DYSF: variants seen among roughly 807,000 people sequenced by gnomAD.
DYSF encodes dystrophy-associated fer-1-like 1.
Under a neutral mutation model 274.9 loss-of-function variants are expected in DYSF, and 212 were observed. The ratio of observed to expected loss-of-function variants is 0.77; its 90% CI spans 0.69 to 0.86. DYSF has a LOEUF of 0.86. Ranked by LOEUF, DYSF falls within the 40% of genes least tolerant of loss-of-function variation. DYSF has a pLI of 0.00. For synonymous variants in DYSF, 1,091 were observed against 1,078.7 expected (o/e 1.01, Z -0.22); for missense variants, 2,666 against 2,783.2 (o/e 0.96, Z 0.95).
chr2:71,530,607 G>A (rs550231685), intron 14 of DYSF, among the ~76,000 whole-genome samples: 29 of 152,320 alleles, frequency 1.9e-4, no homozygotes, highest in African/African-American at 6.7e-4. Flanking sequence ...TCCTCTAGAA[G>A]GAGGTGGAGG....
At chr2:71,669,356 G>A (rs1051861642) in intron 50 of DYSF, 149 bp downstream of exon 50, 15 of 893,182 alleles carry the variant, frequency 1.7e-5, no homozygotes, top group Admixed American at 4.1e-5. Context: ...CCTGCCTTTG[G>A]GGAAATCGCT....
At position 71,670,125 on chromosome 2, in the gene DYSF, C is replaced by T. The variant is rs547539876; in HGVS notation, c.5784+379C>T. Among the ~76,000 whole-genome samples, 21 of 152,328 alleles carry T rather than the reference C, an allele frequency of 1.4e-4. No individual in the cohort carries two copies. The South Asian group carries it at 4.4e-3, about 32-fold the overall frequency. On this transcript the variant is annotated intron_variant, in intron 51 of 55. Transcript: ENST00000410020. ...TTACCCCCAAAGCCACCTCCACCAT[C>T]TCTGCATCCACCCCTTTTCCACTCT...
In DYSF at chr2:71,611,332, C is replaced by T. The variant is rs760074198; in HGVS notation, c.4045C>T (p.Arg1349Cys). 1.2e-5 allele frequency: 20 copies of T among 1,613,940 alleles called. No homozygotes were observed. Among genetic ancestry groups the T allele is most frequent in the East Asian group, 4.5e-5 (2 of 44,870 alleles). Residue 1349 changes from arginine to cysteine, a missense_variant, in exon 37 of 56, where the codon CGT becomes TGT. Around this residue, in one of 3 missense-constraint regions of DYSF, gnomAD observed 1,460 missense variants for 1,502.1 expected, o/e 0.97. Transcript: ENST00000410020. ...TCAGAACATCAAGCCAGCGCTCCAG[C>T]GTACCGCCATCGAGGTGAGCCGTCC... ...VPQNIKPALQ[R>C]TAIEILAWGL...
chr2:71,466,966 G>A, intron 1 of DYSF, 33 bp downstream of exon 1: 1 of 1,544,738 alleles, frequency 6.5e-7, no homozygotes, highest in Non-Finnish European at 8.8e-7. Context: ...GCCCATGCTC[G>A]GGTGCTACCC....
At chr2:71,479,244 A>G (rs1042113250) in intron 1 of DYSF, among the ~76,000 whole-genome samples, 8 of 149,584 alleles carry the variant, frequency 5.3e-5, no homozygotes, top group African/African-American at 2.0e-4. Context: ...CCTGATGCTT[A>G]CTGGAAGTGC....
chr2:71,627,081 A>G (rs1462188088), intron 41 of DYSF, among the ~76,000 whole-genome samples: 2 of 151,508 alleles, frequency 1.3e-5, no homozygotes, highest in East Asian at 3.9e-4. Flanking sequence ...AGTCTATTCA[A>G]AGAATTTTTA....
rs750000110 is a variant in DYSF at position 71,668,819 on chromosome 2, C to T, written c.5523C>T (p.Asn1841=). 2 of 1,613,792 alleles carry T rather than the reference C, an allele frequency of 1.2e-6. No individual in the cohort carries two copies. Among genetic ancestry groups the T allele is most frequent in the Admixed American group, 1.7e-5 (1 of 60,014 alleles). ...KALGRPGPPF[N]ITPRRARRFF... is the part of the protein sequence containing the mutation. ...TGGGGCGGCCTGGACCTCCCTTCAA[C>T]ATCACCCCACGGAGAGCCAGAAGGT... The change falls in exon 49 of 56, where the codon AAC becomes AAT. Residue 1841 remains asparagine (N), a synonymous_variant. Coordinates refer to ENST00000410020, the MANE Select transcript of DYSF (RefSeq NM_001130987.2).
At chr2:71,627,700 A>G (rs569972866) in intron 41 of DYSF, among the ~76,000 whole-genome samples, 1 of 152,210 alleles carries the variant, frequency 6.6e-6, no homozygotes, top group East Asian at 1.9e-4. Flanking sequence ...ACATTTGTCA[A>G]TTTCTCCTTA....
intron 40 of DYSF, among the ~76,000 whole-genome samples, chr2:71,617,874 GGTGGGGTGTGTGTGGT>G (rs2093937124): frequency 1.3e-4 from 6 of 46,848 alleles, no homozygotes; most frequent in East Asian, 9.0e-4. Context: ...GTGTGGTAGA[GGTGGGGTGTGTGTGGT>G]AGAGGTGTGT....
In DYSF at chr2:71,658,969, A is replaced by G. The variant is rs933715192; in HGVS notation, c.4847A>G (p.Glu1616Gly). 20 of 1,613,986 alleles carry G rather than the reference A, an allele frequency of 1.2e-5. No homozygotes were observed. Among genetic ancestry groups the G allele is most frequent in the African/African-American group, 4.0e-5 (3 of 74,902 alleles). ...FHQLAAQGPQ[E>G]CLVRIYIVRA... ...CAGCTGGCCGCCCAGGGACCCCAGG[A>G]GTGCTTGGTCCGTATCTACATTGTC... The change falls in exon 44 of 56, where the codon GAG becomes GGG. Residue 1616 changes from glutamate to glycine, a missense_variant. By Grantham distance (98) the Glu-to-Gly change is moderately conservative. Around this residue, in one of 3 missense-constraint regions of DYSF, gnomAD observed 1,460 missense variants for 1,502.1 expected, o/e 0.97. Coordinates refer to ENST00000410020, the MANE Select transcript of DYSF (RefSeq NM_001130987.2).
At chr2:71,498,740 T>G (rs1367658895) in intron 3 of DYSF, among the ~76,000 whole-genome samples, 1 of 152,274 alleles carries the variant, frequency 6.6e-6, no homozygotes, top group Non-Finnish European at 1.5e-5. Flanking sequence ...TATGGTTAGC[T>G]GGCCTATGCC....
intron 10 of DYSF, among the ~76,000 whole-genome samples, chr2:71,518,092 G>A (rs2086846187): frequency 6.6e-6 from 1 of 152,156 alleles, no homozygotes; most frequent in African/African-American, 2.4e-5. Context: ...CCTGGGGGAG[G>A]GAGAGGCAGT....
At chr2:71,536,617 G>A (rs923760173) in intron 16 of DYSF, among the ~76,000 whole-genome samples, 19 of 152,232 alleles carry the variant, frequency 1.2e-4, no homozygotes, top group Admixed American at 6.5e-5. Context: ...TGTCTGGCCC[G>A]AGTCCGGGTG....
At chr2:71,664,487 CT>C in intron 46 of DYSF, 49 bp downstream of exon 46, 3 of 1,605,614 alleles carry the variant, frequency 1.9e-6, no homozygotes, top group Non-Finnish European at 2.6e-6. Context: ...CACACCACCC[CT>C]GTCTTCTCTG....
At chr2:71,593,275 G>A (rs1338814409) in intron 32 of DYSF, among the ~76,000 whole-genome samples, 1 of 151,870 alleles carries the variant, frequency 6.6e-6, no homozygotes, top group Non-Finnish European at 1.5e-5. Flanking sequence ...TAGGATTACA[G>A]GCACCCACCA....
chr2:71,491,881 A>G (rs2083885918), intron 3 of DYSF, among the ~76,000 whole-genome samples: 1 of 152,198 alleles, frequency 6.6e-6, no homozygotes, highest in South Asian at 2.1e-4. Flanking sequence ...CATACATAGC[A>G]CACAGACCTT....
At chr2:71,476,317 C>T (rs568559468) in intron 1 of DYSF, among the ~76,000 whole-genome samples, 15 of 152,096 alleles carry the variant, frequency 9.9e-5, no homozygotes, top group African/African-American at 3.4e-4. Flanking sequence ...TTTGGAAGGC[C>T]GAGGTGGGCA....
At chr2:71,594,305 C>T (rs966829067) in intron 32 of DYSF, among the ~76,000 whole-genome samples, 8 of 152,136 alleles carry the variant, frequency 5.3e-5, no homozygotes, top group Non-Finnish European at 7.3e-5. Flanking sequence ...ATCCACCAGA[C>T]GAGCTTAAGG....
intron 41 of DYSF, among the ~76,000 whole-genome samples, chr2:71,631,937 C>A (rs543124947): frequency 6.6e-6 from 1 of 152,226 alleles, no homozygotes; most frequent in Admixed American, 6.5e-5. Flanking sequence ...CTTCCACCAT[C>A]CGGCGCTCCT....
Sources: allele counts gnomAD v4.1 joint callset (sites outside exome capture counted in the v4.1 genomes callset), GRCh38; gene constraint gnomAD v4.1.1; regional missense constraint gnomAD v4.1.1; transcripts MANE v1.5; gene names NCBI Gene and HGNC (gene_info 2026-07-23, HGNC 2026-07-21).